Variants in ADGRG7 observed in about 807,000 individuals in gnomAD.
The protein encoded by ADGRG7 is adhesion G protein-coupled receptor G7.
A neutral mutation model predicts 88.6 loss-of-function variants in ADGRG7; 82 were observed. The observed-to-expected ratio is 0.93, with a 90% CI of 0.77 to 1.11. The LOEUF is 1.11. Ranked by LOEUF, ADGRG7 falls within the 50% of genes most tolerant of loss-of-function variation. The probability of loss-of-function intolerance (pLI) is 0.00; values close to 1 mark genes in which losing one functional copy is unlikely to be tolerated. For missense variants in ADGRG7, 945 were observed against 953.4 expected (o/e 0.99, Z 0.12); for synonymous variants, 381 against 345.2 (o/e 1.10, Z -1.15).
At chr3:100,623,742 T>A (rs1283933623) in intron 1 of ADGRG7, among the ~76,000 whole-genome samples, 1 of 152,086 alleles carries the variant, frequency 6.6e-6, no homozygotes, top group East Asian at 1.9e-4. Context: ...GTTGTTCCCC[T>A]TCCTGTGTTC....
chr3:100,643,445 A>G (rs774130113), intron 7 of ADGRG7, 40 bp downstream of exon 7: 2 of 1,612,040 alleles, frequency 1.2e-6, no homozygotes, highest in Non-Finnish European at 8.5e-7. Context: ...AGCAAAGAGC[A>G]TTCTGCTACT....
chr3:100,659,746 T>C lies in ADGRG7; in HGVS notation c.1882T>C (p.Phe628Leu). 1 of 1,614,144 alleles carries C rather than the reference T, an allele frequency of 6.2e-7. No individual in the cohort carries two copies. The highest frequency in any genetic ancestry group is 8.5e-7 in the Non-Finnish European group (1 of 1,179,978). ...GVIKSPLLWS[F>L]IVPVTIILIS... ...TATAAAAAGTCCGCTGTTGTGGTCA[T>C]TCATCGTACCTGTAACCATTATCCT... Residue 628 changes from phenylalanine (F) to leucine (L), a missense_variant, in exon 14 of 16, where the codon TTC becomes CTC. Coordinates refer to ENST00000273352, the MANE Select transcript of ADGRG7 (RefSeq NM_032787.3).
chr3:100,691,241 G>A (rs1447913405), intron 15 of ADGRG7, among the ~76,000 whole-genome samples: 8 of 152,194 alleles, frequency 5.3e-5, no homozygotes, highest in Admixed American at 6.5e-5. Flanking sequence ...GGAGTGACCC[G>A]ATTTTCCAGG....
intron 15 of ADGRG7, among the ~76,000 whole-genome samples, chr3:100,670,960 A>G: frequency 6.6e-6 from 1 of 152,192 alleles, no homozygotes. Flanking sequence ...ATTGATGGGC[A>G]TTTGGGTTGG....
chr3:100,629,999 C>T (rs13318969), intron 2 of ADGRG7, among the ~76,000 whole-genome samples: 1,687 of 152,242 alleles, frequency 0.011, 26 homozygotes, highest in African/African-American at 0.039. Context: ...CAATGAATGA[C>T]ATGATTCTCT....
rs2095000054 is a variant in ADGRG7 at position 100,695,022 on chromosome 3, TG to T, written c.*23del. ...TCTAGACAGTAAAACTTACCTGTTG[TG>T]GTCTTTTTAATCACCTCGTTTGAGT... is the stretch of plus-strand genomic sequence containing the variant. On this transcript the variant is annotated 3_prime_UTR_variant, in exon 16 of 16. Coordinates refer to ENST00000273352, the MANE Select transcript of ADGRG7 (RefSeq NM_032787.3). 1.9e-6 allele frequency: 3 copies of T among 1,601,416 alleles called. No individual in the cohort carries two copies. The East Asian group carries it at 6.7e-5, about 36-fold the overall frequency.
At chr3:100,662,781 G>A (rs192926821) in intron 14 of ADGRG7, among the ~76,000 whole-genome samples, 4 of 151,706 alleles carry the variant, frequency 2.6e-5, no homozygotes, top group Middle Eastern at 6.8e-3. Flanking sequence ...GTACCAGAAA[G>A]ATACAGAATG....
intron 8 of ADGRG7, 52 bp downstream of exon 8, chr3:100,643,685 C>A (rs760591226): frequency 9.0e-7 from 1 of 1,107,096 alleles, no homozygotes; most frequent in East Asian, 2.4e-5. Flanking sequence ...ATTCATGGAA[C>A]TAATAACTTC....
chr3:100,644,289 T>C (rs1377325506), intron 8 of ADGRG7, among the ~76,000 whole-genome samples: 1 of 152,196 alleles, frequency 6.6e-6, no homozygotes, highest in East Asian at 1.9e-4. Flanking sequence ...AGAATATATT[T>C]ATAATAGCAC....
In ADGRG7 at chr3:100,637,308, A is replaced by C; in HGVS notation, c.604A>C (p.Lys202Gln). The stretch of plus-strand genomic sequence containing the variant: ...AGTATCTTCTCTTTGGCAGGCAAAG[A>C]AAGTTGCCATAGTAACAGTGAGTCA... Reference protein sequence around the residue: ...TSRNASPEAKKVAIVTVSQLL... With the variant: ...TSRNASPEAKQVAIVTVSQLL... Residue 202 changes from lysine (K) to glutamine (Q), a missense_variant, in exon 6 of 16, where the codon AAA becomes CAA. Transcript: ENST00000273352. 1 of 1,610,698 alleles carries C rather than the reference A, an allele frequency of 6.2e-7. No individual in the cohort carries two copies. Among genetic ancestry groups the C allele is most frequent in the Non-Finnish European group, 8.5e-7 (1 of 1,177,018 alleles).
At chr3:100,687,789 T>C (rs1425243299) in intron 15 of ADGRG7, among the ~76,000 whole-genome samples, 2 of 152,228 alleles carry the variant, frequency 1.3e-5, no homozygotes, top group African/African-American at 2.4e-5. Flanking sequence ...CAGTATTTTA[T>C]TGAGGATTTT....
rs767945890 is a variant in ADGRG7, at chr3:100,655,967, T to G, written c.1795T>G (p.Trp599Gly). ...TTCTCAGAATGGAAATAATCCACAG[T>G]GGGAATTAGACTACCGGCAAGAGAA... The part of the protein sequence containing the change: ...IYSQNGNNPQ[W>G]ELDYRQEKIC... The change falls in exon 13 of 16, where the codon TGG becomes GGG. Residue 599 changes from tryptophan (W) to glycine (G), a missense_variant. Trp to Gly is a radical substitution (Grantham distance 184). Coordinates refer to ENST00000273352, the MANE Select transcript of ADGRG7 (RefSeq NM_032787.3). The G allele has an allele frequency of 6.2e-7, 1 of 1,608,452 alleles. No homozygotes were observed. Among genetic ancestry groups the G allele is most frequent in the Admixed American group, 1.7e-5 (1 of 60,004 alleles).
intron 15 of ADGRG7, among the ~76,000 whole-genome samples, chr3:100,669,361 C>T (rs988084150): frequency 1.5e-4 from 23 of 151,752 alleles, no homozygotes; most frequent in African/African-American, 5.3e-4. Flanking sequence ...TGGTGGCGGG[C>T]GCCTGTAGTC....
At chr3:100,660,139 C>T (rs965920123) in intron 14 of ADGRG7, among the ~76,000 whole-genome samples, 6 of 152,152 alleles carry the variant, frequency 3.9e-5, no homozygotes, top group African/African-American at 1.4e-4. Context: ...GTCCCTTATC[C>T]TAAATATTCA....
Position 100,655,012 on chromosome 3 carries a change from T to C in ADGRG7, c.1557T>C (p.Ile519=). 1 of 1,614,142 alleles carries C rather than the reference T, an allele frequency of 6.2e-7. No homozygotes were observed. The highest frequency in any genetic ancestry group is 1.6e-4 in the Middle Eastern group (1 of 6,062). Residue 519 remains isoleucine, a synonymous_variant, in exon 12 of 16, where the codon ATT becomes ATC. Coordinates refer to ENST00000273352, the MANE Select transcript of ADGRG7 (RefSeq NM_032787.3). ...DNNDIPRTDT[I]NIPNPMCTAI... is the part of the protein sequence containing the mutation. ...ATGACATACCCAGGACAGACACCATTAACATCCCGAATCCCATGTGCACTG... is the reference window on the plus strand; with the variant it reads ...ATGACATACCCAGGACAGACACCATCAACATCCCGAATCCCATGTGCACTG...
intron 9 of ADGRG7, among the ~76,000 whole-genome samples, 181 bp from the exon 10 acceptor site, chr3:100,646,388 A>G (rs915438109): frequency 6.6e-6 from 1 of 152,194 alleles, no homozygotes; most frequent in African/African-American, 2.4e-5. Flanking sequence ...AACTAACTAA[A>G]TGCAAAGTTA....
Position 100,646,700 on chromosome 3 carries a change from T to A in ADGRG7, c.1242T>A (p.His414Gln). Residue 414 changes from histidine (H) to glutamine (Q), a missense_variant, in exon 10 of 16, where the codon CAT becomes CAA. His to Gln is a conservative substitution (Grantham distance 24). Coordinates refer to ENST00000273352, the MANE Select transcript of ADGRG7 (RefSeq NM_032787.3). Reference protein sequence around the residue: ...TDGFLRCRCNHTTNFAVLMTF... With the variant: ...TDGFLRCRCNQTTNFAVLMTF... ...GATTCCTGCGCTGCCGCTGCAACCA[T>A]ACTACTAATTTTGCTGTATTAATGG... 1.2e-6 allele frequency: 2 copies of A among 1,614,162 alleles called. No homozygotes were observed. Among genetic ancestry groups the A allele is most frequent in the Non-Finnish European group, 1.7e-6 (2 of 1,179,990 alleles).
rs1213212882 is a variant in ADGRG7 at position 100,643,590 on chromosome 3, A to G, written c.903A>G (p.Pro301=). The part of the protein sequence containing the change: ...FIHTNVDGLN[P]DAQTELQVLL... ...ATACAAATGTGGATGGCCTTAACCC[A>G]GATGCACAGACTGAGCTTCAGGTCT... The change falls in exon 8 of 16, where the codon CCA becomes CCG. Residue 301 remains proline, a synonymous_variant. Coordinates refer to ENST00000273352, the MANE Select transcript of ADGRG7 (RefSeq NM_032787.3). 9 of 1,614,002 alleles carry G rather than the reference A, an allele frequency of 5.6e-6. No homozygotes were observed. The highest frequency in any genetic ancestry group is 7.6e-6 in the Non-Finnish European group (9 of 1,179,902).
chr3:100,648,028 T>C (rs1144120), intron 10 of ADGRG7, among the ~76,000 whole-genome samples: 136,193 of 151,964 alleles, frequency 0.9, 62,944 homozygotes, highest in East Asian at 1. Context: ...TCTTTTCTAA[T>C]TTGTATTACA....
Sources: allele counts gnomAD v4.1 joint callset (sites outside exome capture counted in the v4.1 genomes callset), GRCh38; gene constraint gnomAD v4.1.1; transcripts MANE v1.5; gene names NCBI Gene and HGNC (gene_info 2026-07-23, HGNC 2026-07-21).